PIGK: variants seen among roughly 807,000 people sequenced by gnomAD.
PIGK encodes phosphatidylinositol glycan anchor biosynthesis class K, also known as GPI-anchor transamidase.
PIGK carries 42 observed loss-of-function variants against 50.6 expected under a neutral mutation model. That is an observed-to-expected ratio of 0.83 (90% CI 0.65 to 1.07). The LOEUF (loss-of-function observed/expected upper bound fraction) is 1.07, where lower values mean the gene tolerates loss of function less well. PIGK is among the 50% of genes least tolerant of loss of function. The pLI is 0.00. For synonymous variants in PIGK, 151 were observed against 156.0 expected (o/e 0.97, Z 0.24); for missense variants, 448 against 488.7 (o/e 0.92, Z 0.78).
Position 77,110,292 on chromosome 1 carries a change from G to A in PIGK, c.1071+11983C>T, listed in dbSNP as rs542146194. On this transcript the variant is annotated intron_variant, in intron 10 of 10. Coordinates refer to ENST00000370812, the MANE Select transcript of PIGK (RefSeq NM_005482.3). ...TTCATATGGAACCAAAAAAGAGCCCGCATTGCCAAGTCAATCCTAAGCCAA... is the reference window on the plus strand; with the variant it reads ...TTCATATGGAACCAAAAAAGAGCCCACATTGCCAAGTCAATCCTAAGCCAA... Among the ~76,000 whole-genome samples the A allele has an allele frequency of 1.6e-4, 24 of 152,146 alleles. 1 individual carries two copies. In the South Asian group the frequency reaches 3.7e-3, roughly 24 times the overall value.
chr1:77,195,078 G>A (rs957937158), intron 3 of PIGK: 2 of 993,286 alleles, frequency 2.0e-6, no homozygotes, highest in African/African-American at 1.6e-5. Context: ...CCCATAGCAG[G>A]AACAACCCAG....
At chr1:77,103,753 G>A (rs369242387) in intron 10 of PIGK, among the ~76,000 whole-genome samples, 2 of 152,140 alleles carry the variant, frequency 1.3e-5, no homozygotes, top group Non-Finnish European at 2.9e-5. Flanking sequence ...GGAGGGAGCT[G>A]CACAGAAAGA....
At chr1:77,138,419 A>T (rs541565260) in intron 9 of PIGK, among the ~76,000 whole-genome samples, 1 of 152,370 alleles carries the variant, frequency 6.6e-6, no homozygotes, top group South Asian at 2.1e-4. Context: ...TGTTTGGTTA[A>T]TACTCATAAG....
At chr1:77,187,116 G>A (rs562017947) in intron 3 of PIGK, among the ~76,000 whole-genome samples, 6 of 152,204 alleles carry the variant, frequency 3.9e-5, no homozygotes, top group African/African-American at 7.2e-5. Context: ...CAGTGGGCTC[G>A]TGCTCATGGA....
intron 1 of PIGK, among the ~76,000 whole-genome samples, chr1:77,215,535 A>G (rs1372892174): frequency 1.3e-5 from 2 of 152,138 alleles, no homozygotes; most frequent in Non-Finnish European, 2.9e-5. Context: ...ACTCAAAATA[A>G]AACTACCATA....
At chr1:77,111,692 GCATATGTATACATATGTAACAAACC>G (rs1653848259) in intron 10 of PIGK, among the ~76,000 whole-genome samples, 1 of 151,946 alleles carries the variant, frequency 6.6e-6, no homozygotes, top group South Asian at 2.1e-4. Flanking sequence ...CACCAACATG[GCATATGTATACATATGTAACAAACC>G]TGCACGTTGT....
chr1:77,192,586 G>C (rs1388123063), intron 3 of PIGK, among the ~76,000 whole-genome samples: 5 of 152,006 alleles, frequency 3.3e-5, no homozygotes, highest in Admixed American at 3.3e-4. Flanking sequence ...CTACCATATT[G>C]AATAATATGG....
chr1:77,205,383 T>C (rs948738865), intron 3 of PIGK, among the ~76,000 whole-genome samples: 1 of 150,994 alleles, frequency 6.6e-6, no homozygotes, highest in African/African-American at 2.4e-5. Flanking sequence ...AGTAATATTA[T>C]CTAGTTGCCA....
intron 9 of PIGK, among the ~76,000 whole-genome samples, chr1:77,149,011 A>G (rs1035850995): frequency 2.0e-5 from 3 of 152,132 alleles, no homozygotes; most frequent in East Asian, 1.9e-4. Flanking sequence ...CACCACGCCC[A>G]GCCATATCAG....
chr1:77,204,061 C>A (rs1656231405), intron 3 of PIGK, among the ~76,000 whole-genome samples: 1 of 152,122 alleles, frequency 6.6e-6, no homozygotes, highest in Non-Finnish European at 1.5e-5. Context: ...TTGTTATCTC[C>A]TGACTAGGGC....
At chr1:77,161,108 C>T (rs760659482) in intron 8 of PIGK, among the ~76,000 whole-genome samples, 187 bp downstream of exon 8, 2 of 152,110 alleles carry the variant, frequency 1.3e-5, no homozygotes, top group African/African-American at 4.8e-5. Flanking sequence ...TAAAGGAAAA[C>T]ATCAGGCCTC....
chr1:77,173,463 A>G (rs1655411532), intron 3 of PIGK, among the ~76,000 whole-genome samples: 1 of 152,172 alleles, frequency 6.6e-6, no homozygotes. Flanking sequence ...TTTGGCCCCC[A>G]GAACTATGGT....
chr1:77,189,800 T>C (rs1018750581), intron 3 of PIGK, among the ~76,000 whole-genome samples: 2 of 148,982 alleles, frequency 1.3e-5, no homozygotes, highest in African/African-American at 2.5e-5. Flanking sequence ...TACATATACG[T>C]ATATGTATAT....
intron 3 of PIGK, among the ~76,000 whole-genome samples, chr1:77,169,662 G>A (rs1655316339): frequency 6.6e-6 from 1 of 152,070 alleles, no homozygotes; most frequent in South Asian, 2.1e-4. Flanking sequence ...ACATTTTAAA[G>A]TAGAGAAATT....
At chr1:77,136,536 CAAAAA>C (rs778130093) in intron 9 of PIGK, among the ~76,000 whole-genome samples, 1 of 63,670 alleles carries the variant, frequency 1.6e-5, no homozygotes. Context: ...GACTCCGTCT[CAAAAA>C]AAAAAAAAAA....
At chr1:77,203,547 C>T (rs1160719039) in intron 3 of PIGK, among the ~76,000 whole-genome samples, 1 of 152,122 alleles carries the variant, frequency 6.6e-6, no homozygotes. Flanking sequence ...TCTCCCAGAA[C>T]CATAATAACC....
chr1:77,120,112 C>T (rs935886913), intron 10 of PIGK, among the ~76,000 whole-genome samples: 3 of 152,116 alleles, frequency 2.0e-5, no homozygotes, highest in African/African-American at 4.8e-5. Flanking sequence ...GGAGATTATA[C>T]ACTACAATAA....
chr1:77,107,315 C>T (rs1340126069), intron 10 of PIGK, among the ~76,000 whole-genome samples: 1 of 152,188 alleles, frequency 6.6e-6, no homozygotes, highest in Non-Finnish European at 1.5e-5. Context: ...TTTCGAAGAA[C>T]ATCTTTATTT....
intron 8 of PIGK, among the ~76,000 whole-genome samples, chr1:77,160,646 A>G (rs1655110568): frequency 2.0e-5 from 3 of 152,244 alleles, no homozygotes; most frequent in Admixed American, 1.3e-4. Context: ...CACATAGTAA[A>G]TTATCCAGTC....
Sources: gnomAD v4.1 joint callset for allele counts (sites outside exome capture counted in the v4.1 genomes callset) on GRCh38, gnomAD v4.1.1 for gene constraint, MANE v1.5 for transcripts, NCBI Gene and HGNC (gene_info 2026-07-23, HGNC 2026-07-21) for gene names.